The following PIK3R3 variants were observed in gnomAD, a reference collection of about 807,000 sequenced individuals.
The protein encoded by PIK3R3 is phosphoinositide-3-kinase regulatory subunit 3, also known as phosphatidylinositol 3-kinase regulatory subunit gamma.
In PIK3R3, 64 loss-of-function variants were observed where a neutral mutation model predicts 62.9. That is an observed-to-expected ratio of 1.02 (90% confidence interval 0.83 to 1.25). The LOEUF (loss-of-function observed/expected upper bound fraction) is 1.25. PIK3R3 is among the 50% of genes most tolerant of loss of function. The pLI is 0.00. For missense variants in PIK3R3, 614 were observed against 561.6 expected, an observed-to-expected ratio of 1.09 and a Z score of -0.94; for synonymous variants, 165 against 189.0, an observed-to-expected ratio of 0.87 and a Z score of 1.04.
intron 6 of PIK3R3, chr1:46,057,137 C>T (rs995687953): frequency 2.0e-5 from 3 of 152,414 alleles, no homozygotes; most frequent in Non-Finnish European, 4.4e-5. Flanking sequence ...GTGAATAGGT[C>T]TCACAAGATC....
the PIK3R3 span, among the ~76,000 whole-genome samples, chr1:46,165,751 CTTTTTTTTTTTTTTTTTTTTTTTTT>C: frequency 7.6e-5 from 3 of 39,540 alleles, no homozygotes; most frequent in African/African-American, 9.5e-5. Context: ...CTGCTTTGTC[CTTTTTTTTTTTTTTTTTTTTTTTTT>C]TTTTTTTTTT....
At chr1:46,152,674 T>G in the PIK3R3 span, among the ~76,000 whole-genome samples, 5 of 150,924 alleles carry the variant, frequency 3.3e-5, no homozygotes, top group Admixed American at 2.7e-4. Flanking sequence ...GCCATTCTCC[T>G]GCCTCAGCCT....
At chr1:46,081,486 A>G (rs1228803889) in intron 1 of PIK3R3, among the ~76,000 whole-genome samples, 10 of 152,082 alleles carry the variant, frequency 6.6e-5, no homozygotes, top group Admixed American at 3.3e-4. Flanking sequence ...CACAAACCCT[A>G]CTGTGAACTG....
intron 6 of PIK3R3, 151 bp downstream of exon 6, chr1:46,061,778 G>A: frequency 1.4e-6 from 1 of 735,392 alleles, no homozygotes; most frequent in Non-Finnish European, 2.4e-6. Context: ...GAGAGAGGAA[G>A]TTCAATTTGG....
upstream of PIK3R3, chr1:46,134,534 G>C (rs544338956): frequency 6.6e-6 from 1 of 152,306 alleles, no homozygotes; most frequent in East Asian, 1.9e-4. Flanking sequence ...CTTACAGGTA[G>C]AAGATACTGG....
chr1:46,132,970 G>A, upstream of PIK3R3: 1 of 1,110,218 alleles, frequency 9.0e-7, no homozygotes, highest in South Asian at 1.9e-5. Flanking sequence ...GAGCACGCGA[G>A]CCAGGCGAGG....
At chr1:46,084,198 G>T (rs1222093360) in intron 1 of PIK3R3, among the ~76,000 whole-genome samples, 1 of 152,182 alleles carries the variant, frequency 6.6e-6, no homozygotes, top group African/African-American at 2.4e-5. Flanking sequence ...CCATTGTCCA[G>T]AATAGGCAAA....
chr1:46,041,609 C>T lies in PIK3R3; in HGVS notation c.*2064G>A, dbSNP rs1298182729. On this transcript the variant is annotated 3_prime_UTR_variant, in exon 10 of 10. Transcript: ENST00000262741. ...ATGGGAGGGATTCCTTGCACGTAAT[C>T]TTGAGCATCCACCTGCTTCAGCAGG... 1.6e-5 allele frequency: 3 copies of T among 182,160 alleles called. No individual in the cohort carries two copies. Among genetic ancestry groups the T allele is most frequent in the African/African-American group, 7.1e-5 (3 of 42,462 alleles). 11.3% of individuals were successfully genotyped at this position (182,160 alleles called of 1,614,324 possible).
At chr1:46,123,887 TGAG>T (rs1654874442) in intron 1 of PIK3R3, among the ~76,000 whole-genome samples, 3 of 152,128 alleles carry the variant, frequency 2.0e-5, no homozygotes, top group Admixed American at 2.0e-4. Context: ...ATTTCTAAGG[TGAG>T]GTATTGAGGA....
At chr1:46,054,316 C>T (rs375168869) in intron 7 of PIK3R3, among the ~76,000 whole-genome samples, 14 of 147,790 alleles carry the variant, frequency 9.5e-5, no homozygotes, top group Non-Finnish European at 1.5e-4. Context: ...ATCACTTGAA[C>T]CCAGGAGGTG....
intron 1 of PIK3R3, among the ~76,000 whole-genome samples, chr1:46,107,456 G>A (rs1028571759): frequency 7.4e-5 from 11 of 148,804 alleles, no homozygotes; most frequent in African/African-American, 2.5e-4. Flanking sequence ...TTTTTAATAT[G>A]GAAAGGAATA....
intron 1 of PIK3R3, among the ~76,000 whole-genome samples, chr1:46,121,107 T>C (rs895157338): frequency 2.0e-5 from 3 of 152,238 alleles, no homozygotes; most frequent in Non-Finnish European, 4.4e-5. Context: ...ACTGACATTG[T>C]TGAACTACTG....
Position 46,110,834 on chromosome 1 carries a change from G to A in PIK3R3, c.106+21013C>T, listed in dbSNP as rs528179325. On this transcript the variant is annotated intron_variant, in intron 1 of 9. Coordinates refer to ENST00000262741, the MANE Select transcript of PIK3R3 (RefSeq NM_003629.4). ...CTGAGACACAAAATGAAAAAAAGCGGAGGGGGGAGGGTCAGCCTGGGAACA... is the reference window on the plus strand; with the variant it reads ...CTGAGACACAAAATGAAAAAAAGCGAAGGGGGGAGGGTCAGCCTGGGAACA... Among the ~76,000 whole-genome samples the A allele has an allele frequency of 5.9e-5, 9 of 151,592 alleles. No individual in the cohort carries two copies. The South Asian group carries it at 1.9e-3, about 32-fold the overall frequency.
the PIK3R3 span, among the ~76,000 whole-genome samples, chr1:46,168,852 A>AAC: frequency 2.0e-5 from 3 of 151,690 alleles, no homozygotes; most frequent in African/African-American, 7.3e-5. Context: ...CCCCCTCCTC[A>AAC]ACACACACAC....
Position 46,132,405 on chromosome 1 carries a change from G to C in PIK3R3, c.-453C>G. The C allele has an allele frequency of 8.9e-7, 1 of 1,122,504 alleles. No homozygotes were observed. Among genetic ancestry groups the C allele is most frequent in the African/African-American group, 1.7e-5 (1 of 59,658 alleles). 69.5% of individuals were successfully genotyped at this position (1,122,504 alleles called of 1,614,324 possible). ...CAAGTGACAAAGGAAGGCAAAAAAG[G>C]GGGCTGGAGATTGCGTTCAAGTTTC... is the stretch of plus-strand genomic sequence containing the variant. On this transcript the variant is annotated 5_prime_UTR_variant, in exon 1 of 10. Transcript: ENST00000262741.
At chr1:46,093,746 T>C (rs764955453) in intron 1 of PIK3R3, among the ~76,000 whole-genome samples, 15 of 151,596 alleles carry the variant, frequency 9.9e-5, no homozygotes, top group Non-Finnish European at 2.1e-4. Flanking sequence ...TCCCAGCTAT[T>C]TGGGAGGCTG....
chr1:46,092,012 C>T (rs970115724), intron 1 of PIK3R3, among the ~76,000 whole-genome samples: 1 of 151,940 alleles, frequency 6.6e-6, no homozygotes, highest in African/African-American at 2.4e-5. Context: ...TATTTCAATC[C>T]GAGAATGCAG....
chr1:46,127,342 C>CA (rs11337913), intron 1 of PIK3R3, among the ~76,000 whole-genome samples: 3,034 of 127,002 alleles, frequency 0.024, 51 homozygotes, highest in Middle Eastern at 0.037. Context: ...GACCCTGCCT[C>CA]AAAAAAAAAA....
At chr1:46,067,843 C>A (rs1333504778) in intron 3 of PIK3R3, among the ~76,000 whole-genome samples, 1 of 152,134 alleles carries the variant, frequency 6.6e-6, no homozygotes, top group Non-Finnish European at 1.5e-5. Flanking sequence ...CCTTTGTTTA[C>A]TGAGTCATAT....
Sources: allele counts gnomAD v4.1 joint callset (sites outside exome capture counted in the v4.1 genomes callset), GRCh38; gene constraint gnomAD v4.1.1; transcripts MANE v1.5; gene names NCBI Gene and HGNC (gene_info 2026-07-23, HGNC 2026-07-21).